HKDC1: variants seen among roughly 807,000 people sequenced by gnomAD.
The protein encoded by HKDC1 is hexokinase domain containing 1.
Under a neutral mutation model 96.6 loss-of-function variants are expected in HKDC1, and 66 were observed. The observed-to-expected ratio is 0.68, with a 90% CI of 0.56 to 0.84. The LOEUF (loss-of-function observed/expected upper bound fraction) is 0.84, where lower values mean the gene tolerates loss of function less well. HKDC1 is among the 40% of genes least tolerant of loss of function. HKDC1 has a pLI of 0.00. For missense variants in HKDC1, 1,211 were observed against 1,208.1 expected (o/e 1.00, Z -0.04); for synonymous variants, 466 against 473.1 (o/e 0.98, Z 0.20).
At chr10:69,229,425 A>T (rs1402886581) in intron 2 of HKDC1, among the ~76,000 whole-genome samples, 1 of 152,180 alleles carries the variant, frequency 6.6e-6, no homozygotes, top group Non-Finnish European at 1.5e-5. Context: ...CTACTTTGAA[A>T]TCTTGGCTCT....
Position 69,232,896 on chromosome 10 carries a change from G to A in HKDC1, c.359G>A (p.Arg120His), listed in dbSNP as rs200115968. The A allele has an allele frequency of 3.1e-5, 50 of 1,612,990 alleles. No individual in the cohort carries two copies. Among genetic ancestry groups the A allele is most frequent in the African/African-American group, 2.7e-5 (2 of 74,928 alleles). Residue 120 changes from arginine to histidine, a missense_variant, in exon 3 of 18, where the codon CGC becomes CAC. By Grantham distance (29) the Arg-to-His change is conservative. Coordinates refer to ENST00000354624, the MANE Select transcript of HKDC1 (RefSeq NM_025130.4). The stretch of plus-strand genomic sequence containing the variant: ...TACCCAACGCCCAATGAAATCATCC[G>A]CGGGAACGGCACAGAGGTACCTGGC... ...QFYPTPNEII[R>H]GNGTELFEYV...
intron 5 of HKDC1, 81 bp from the exon 6 acceptor site, chr10:69,240,571 T>C: frequency 8.4e-7 from 1 of 1,183,554 alleles, no homozygotes; most frequent in Admixed American, 1.7e-5. Flanking sequence ...CCACCTTCAC[T>C]ACCTGCTGCC....
intron 2 of HKDC1, among the ~76,000 whole-genome samples, chr10:69,231,709 C>T (rs1003826596): frequency 7.9e-5 from 12 of 152,174 alleles, no homozygotes; most frequent in Admixed American, 1.3e-4. Context: ...CTTTCATCTG[C>T]GCATCCCTAG....
intron 15 of HKDC1, 129 bp downstream of exon 15, chr10:69,259,088 A>G (rs1018876045): frequency 8.3e-6 from 6 of 720,212 alleles, no homozygotes; most frequent in Admixed American, 7.7e-5. Context: ...GAAATATCCT[A>G]TTGGAACAAA....
At chr10:69,241,841 G>A (rs918772806) in intron 6 of HKDC1, among the ~76,000 whole-genome samples, 7 of 152,260 alleles carry the variant, frequency 4.6e-5, no homozygotes, top group Admixed American at 1.3e-4. Flanking sequence ...AGATTACTGG[G>A]GACAAGAGTG....
At chr10:69,238,656 G>A (rs1322221835) in intron 4 of HKDC1, among the ~76,000 whole-genome samples, 2 of 27,570 alleles carry the variant, frequency 7.3e-5, no homozygotes, top group Non-Finnish European at 1.4e-4. Flanking sequence ...GATTACAGGC[G>A]TGAGCCACCG....
chr10:69,240,391 G>T (rs944443283), intron 5 of HKDC1, among the ~76,000 whole-genome samples: 8 of 152,084 alleles, frequency 5.3e-5, no homozygotes, highest in African/African-American at 1.9e-4. Context: ...TGGAGTCCCG[G>T]TGGCCTGTCC....
rs1843562034 is a variant in HKDC1 at position 69,247,579 on chromosome 10, C to T, written c.1251C>T (p.Tyr417=). 2 of 1,613,920 alleles carry T rather than the reference C, an allele frequency of 1.2e-6. No homozygotes were observed. Among genetic ancestry groups the T allele is most frequent in the South Asian group, 1.1e-5 (1 of 91,074 alleles). ...RTTVGMDGTL[Y]KIHPQYPKRL... ...CAGTGGGCATGGACGGCACCCTCTA[C>T]AAGATACACCCTCAGTGAGTGCTGC... Residue 417 remains tyrosine (Y), a synonymous_variant, in exon 9 of 18, where the codon TAC becomes TAT. Transcript: ENST00000354624.
chr10:69,245,225 A>G (rs1843521724), intron 7 of HKDC1, among the ~76,000 whole-genome samples: 1 of 152,130 alleles, frequency 6.6e-6, no homozygotes, highest in Non-Finnish European at 1.5e-5. Flanking sequence ...TTTATAGTGA[A>G]CTATATAAAG....
At chr10:69,252,154 A>G (rs1243302661) in intron 12 of HKDC1, among the ~76,000 whole-genome samples, 1 of 152,222 alleles carries the variant, frequency 6.6e-6, no homozygotes, top group African/African-American at 2.4e-5. Context: ...TTTATCATTT[A>G]ATAGATAATT....
At chr10:69,252,968 C>T (rs1313069713) in intron 12 of HKDC1, among the ~76,000 whole-genome samples, 1 of 141,806 alleles carries the variant, frequency 7.1e-6, no homozygotes, top group South Asian at 2.2e-4. Flanking sequence ...GACCCCATCT[C>T]TAAACGTGTG....
chr10:69,250,104 C>G (rs530411359), intron 10 of HKDC1, among the ~76,000 whole-genome samples, 186 bp from the exon 11 acceptor site: 220 of 152,288 alleles, frequency 1.4e-3, no homozygotes, highest in Non-Finnish European at 2.5e-3. Context: ...GCAGCCTGGC[C>G]TCACGCAGGC....
intron 5 of HKDC1, among the ~76,000 whole-genome samples, chr10:69,240,131 C>T (rs947847719): frequency 2.0e-5 from 3 of 152,080 alleles, no homozygotes; most frequent in African/African-American, 7.2e-5. Flanking sequence ...ATGCTTTCCT[C>T]AATGTCTTCC....
chr10:69,222,587 G>A (rs1346082448), intron 1 of HKDC1, among the ~76,000 whole-genome samples: 1 of 152,114 alleles, frequency 6.6e-6, no homozygotes, highest in East Asian at 1.9e-4. Context: ...AGGATCATGC[G>A]GGACATGTTT....
At position 69,266,677 on chromosome 10, in the gene HKDC1, T is replaced by C. The variant is rs148418934; in HGVS notation, c.2674T>C (p.Ser892Pro). 2,815 of 1,614,154 alleles carry C rather than the reference T, an allele frequency of 1.7e-3. 3 individuals are homozygous for C. Among genetic ancestry groups the C allele is most frequent in the Non-Finnish European group, 2.0e-3 (2,393 of 1,180,002 alleles). Residue 892 changes from serine (S) to proline (P), a missense_variant, in exon 18 of 18, where the codon TCA (serine) becomes CCA (proline). Transcript: ENST00000354624. Reference sequence around the variant, plus strand: ...TCGATGTGATGTGACATTCATGCTGTCAGAAGATGGCAGTGGAAAAGGGGC... The same window carrying C: ...TCGATGTGATGTGACATTCATGCTGCCAGAAGATGGCAGTGGAAAAGGGGC... The part of the protein sequence containing the change: ...APRCDVTFML[S>P]EDGSGKGAAL...
chr10:69,257,370 G>A lies in HKDC1; in HGVS notation c.1976G>A (p.Gly659Glu). ...GTTGCAGTCGTGAATGATACAGTGG[G>A]GACCATGATGACCTGTGGCTATGAA... is the stretch of plus-strand genomic sequence containing the variant. ...DIVAVVNDTV[G>E]TMMTCGYEDP... Residue 659 changes from glycine to glutamate, a missense_variant, in exon 14 of 18, where the codon GGG becomes GAG. Physicochemically the swap from Gly to Glu is moderately conservative, Grantham distance 98. Coordinates refer to ENST00000354624, the MANE Select transcript of HKDC1 (RefSeq NM_025130.4). The A allele has an allele frequency of 6.2e-7, 1 of 1,614,094 alleles. No individual in the cohort carries two copies. Among genetic ancestry groups the A allele is most frequent in the Non-Finnish European group, 8.5e-7 (1 of 1,179,956 alleles).
Position 69,227,296 on chromosome 10 carries a change from G to A in HKDC1, c.153G>A (p.Leu51=). 1 of 1,614,210 alleles carries A rather than the reference G, an allele frequency of 6.2e-7. No homozygotes were observed. The highest frequency in any genetic ancestry group is 8.5e-7 in the Non-Finnish European group (1 of 1,180,038). The part of the protein sequence containing the change: ...RRFRAEMEKG[L]AKDTNPTAAV... Reference sequence around the variant, plus strand: ...TCCGGGCTGAGATGGAGAAGGGCCTGGCAAAGGACACCAACCCCACGGCTG... The same window carrying A: ...TCCGGGCTGAGATGGAGAAGGGCCTAGCAAAGGACACCAACCCCACGGCTG... Residue 51 remains leucine, a synonymous_variant, in exon 2 of 18, where the codon CTG becomes CTA. Coordinates refer to ENST00000354624, the MANE Select transcript of HKDC1 (RefSeq NM_025130.4).
intron 8 of HKDC1, 132 bp downstream of exon 8, chr10:69,246,366 A>C (rs1187191433): frequency 1.1e-6 from 1 of 931,652 alleles, no homozygotes; most frequent in Admixed American, 2.5e-5. Context: ...AGACCTGGGC[A>C]TGGCTTCAGA....
At position 69,257,356 on chromosome 10, in the gene HKDC1, G is replaced by C. The variant is rs1200585196; in HGVS notation, c.1962G>C (p.Val654=). ...NEFDLDIVAV[V]NDTVGTMMTC... ...TTGACCTGGACATTGTTGCAGTCGTGAATGATACAGTGGGGACCATGATGA... is the reference window on the plus strand; with the variant it reads ...TTGACCTGGACATTGTTGCAGTCGTCAATGATACAGTGGGGACCATGATGA... Residue 654 remains valine, a synonymous_variant, in exon 14 of 18, where the codon GTG becomes GTC. Coordinates refer to ENST00000354624, the MANE Select transcript of HKDC1 (RefSeq NM_025130.4). 2 of 1,614,072 alleles carry C rather than the reference G, an allele frequency of 1.2e-6. No individual in the cohort carries two copies. The highest frequency in any genetic ancestry group is 2.2e-5 in the South Asian group (2 of 91,086).
Sources: gnomAD v4.1 joint callset for allele counts (sites outside exome capture counted in the v4.1 genomes callset) on GRCh38, gnomAD v4.1.1 for gene constraint, MANE v1.5 for transcripts, NCBI Gene and HGNC (gene_info 2026-07-23, HGNC 2026-07-21) for gene names.